Variants in CACNG2 observed in about 807,000 individuals in gnomAD.
CACNG2 encodes voltage-dependent calcium channel gamma-2 subunit.
A neutral mutation model predicts 25.9 loss-of-function variants in CACNG2; 3 were observed. The ratio of observed to expected loss-of-function variants is 0.12; its 90% CI spans 0.05 to 0.30. The LOEUF (loss-of-function observed/expected upper bound fraction) is 0.30. Ranked by LOEUF, CACNG2 falls within the 10% of genes least tolerant of loss-of-function variation. The pLI is 1.00. For synonymous variants in CACNG2, 167 were observed against 173.3 expected, an observed-to-expected ratio of 0.96 and a Z score of 0.29; for missense variants, 341 against 432.5, an observed-to-expected ratio of 0.79 and a Z score of 1.88.
intron 1 of CACNG2, among the ~76,000 whole-genome samples, chr22:36,653,861 A>G (rs1936660273): frequency 6.6e-6 from 1 of 151,476 alleles, no homozygotes; most frequent in Non-Finnish European, 1.5e-5. Context: ...GACCTCCAGG[A>G]TTCCCACATT....
At chr22:36,654,432 A>G (rs5995323) in intron 1 of CACNG2, among the ~76,000 whole-genome samples, 1 of 151,680 alleles carries the variant, frequency 6.6e-6, no homozygotes, top group Admixed American at 6.6e-5. Context: ...GAGTTTCCCT[A>G]TGTTGCACAG....
At chr22:36,601,748 G>A (rs1935756735) in intron 1 of CACNG2, among the ~76,000 whole-genome samples, 1 of 152,222 alleles carries the variant, frequency 6.6e-6, no homozygotes. Flanking sequence ...CTCCTGAAGG[G>A]CTGAGATTAC....
At chr22:36,576,663 G>A (rs1014175205) in intron 2 of CACNG2, among the ~76,000 whole-genome samples, 3 of 151,972 alleles carry the variant, frequency 2.0e-5, no homozygotes, top group Non-Finnish European at 4.4e-5. Context: ...AAAGATGGTG[G>A]GTGAGAAATA....
intron 1 of CACNG2, among the ~76,000 whole-genome samples, chr22:36,589,284 C>T (rs1457121932): frequency 6.6e-6 from 1 of 151,964 alleles, no homozygotes; most frequent in East Asian, 1.9e-4. Flanking sequence ...TCCACTGTGC[C>T]CAGCCTAGAC....
intron 2 of CACNG2, among the ~76,000 whole-genome samples, chr22:36,583,089 C>T (rs752457248): frequency 5.3e-5 from 8 of 152,026 alleles, no homozygotes; most frequent in East Asian, 1.9e-4. Flanking sequence ...AGGAATACTC[C>T]GGAAGGCATG....
At chr22:36,615,512 C>T (rs5756263) in intron 1 of CACNG2, among the ~76,000 whole-genome samples, 44,564 of 152,160 alleles carry the variant, frequency 0.29, 11,089 homozygotes, top group African/African-American at 0.68. Flanking sequence ...GTTTTGCATC[C>T]GCATGATGGG....
chr22:36,619,378 A>G (rs1161133097), intron 1 of CACNG2, among the ~76,000 whole-genome samples: 1 of 152,226 alleles, frequency 6.6e-6, no homozygotes, highest in Non-Finnish European at 1.5e-5. Flanking sequence ...GCTCTCATAC[A>G]ATTGTCAAAA....
In CACNG2 at chr22:36,657,753, C is replaced by T. The variant is rs546074836; in HGVS notation, c.211+44613G>A. 9.5e-4 allele frequency among the ~76,000 whole-genome samples: 144 copies of T among 151,730 alleles called. 1 individual carries two copies. Among genetic ancestry groups the T allele is most frequent in the African/African-American group, 3.3e-3 (136 of 41,380 alleles). ...ACAGTGGCGTAATGAGCAAAAGTGT[C>T]GTGAGGTCTGTGTGTTTCCTTTGCT... On this transcript the variant is annotated intron_variant, in intron 1 of 3. Coordinates refer to ENST00000300105, the MANE Select transcript of CACNG2 (RefSeq NM_006078.5).
chr22:36,571,882 CAAA>C (rs1190439992), intron 2 of CACNG2, among the ~76,000 whole-genome samples: 2 of 99,512 alleles, frequency 2.0e-5, no homozygotes, highest in African/African-American at 3.1e-5. Context: ...GTCTCAAAAA[CAAA>C]AAAAAAAAAA....
intron 1 of CACNG2, among the ~76,000 whole-genome samples, chr22:36,611,702 T>C (rs1201773133): frequency 2.0e-5 from 3 of 152,140 alleles, no homozygotes; most frequent in Non-Finnish European, 4.4e-5. Context: ...AGTGTGGGAG[T>C]CTGACCAGCC....
intron 1 of CACNG2, among the ~76,000 whole-genome samples, chr22:36,590,630 G>A (rs1458692853): frequency 2.6e-5 from 4 of 152,096 alleles, no homozygotes; most frequent in East Asian, 1.9e-4. Context: ...TGGCTGCCGC[G>A]GCCTCCCCAC....
At chr22:36,610,024 G>C (rs964608186) in intron 1 of CACNG2, among the ~76,000 whole-genome samples, 1 of 150,548 alleles carries the variant, frequency 6.6e-6, no homozygotes, top group Non-Finnish European at 1.5e-5. Context: ...TCCCCTCAGA[G>C]AGCCTCCCGG....
intron 2 of CACNG2, among the ~76,000 whole-genome samples, chr22:36,572,153 C>T (rs922763217): frequency 4.6e-5 from 7 of 152,150 alleles, no homozygotes; most frequent in African/African-American, 1.7e-4. Flanking sequence ...TGGCACTTCA[C>T]ATTACCTGAC....
At chr22:36,588,553 A>G (rs1014186731) in intron 1 of CACNG2, among the ~76,000 whole-genome samples, 23 of 152,100 alleles carry the variant, frequency 1.5e-4, no homozygotes, top group African/African-American at 2.4e-5. Flanking sequence ...ATGTCCTTTA[A>G]CCTTCTCTGA....
At chr22:36,618,906 C>T (rs891488293) in intron 1 of CACNG2, among the ~76,000 whole-genome samples, 2 of 73,914 alleles carry the variant, frequency 2.7e-5, no homozygotes, top group South Asian at 4.7e-4. Context: ...GGCGACAGAG[C>T]GAGACTGTTT....
intron 1 of CACNG2, among the ~76,000 whole-genome samples, chr22:36,668,252 C>G (rs922712964): frequency 6.6e-6 from 1 of 152,230 alleles, no homozygotes; most frequent in African/African-American, 2.4e-5. Context: ...GAGCTTCAGG[C>G]GATCCAGGTT....
At chr22:36,682,640 A>G (rs1445042393) in intron 1 of CACNG2, among the ~76,000 whole-genome samples, 4 of 152,176 alleles carry the variant, frequency 2.6e-5, no homozygotes, top group Non-Finnish European at 5.9e-5. Flanking sequence ...TGCATAAACA[A>G]GAATAATAAC....
At chr22:36,607,659 C>T (rs979835290) in intron 1 of CACNG2, among the ~76,000 whole-genome samples, 2 of 141,828 alleles carry the variant, frequency 1.4e-5, no homozygotes, top group Non-Finnish European at 3.0e-5. Context: ...GCTCGTGCAA[C>T]GAGGACCCAC....
chr22:36,567,244 T>C lies in CACNG2; in HGVS notation c.296-751A>G, dbSNP rs533601219. Among the ~76,000 whole-genome samples the C allele has an allele frequency of 5.3e-5, 8 of 152,372 alleles. No homozygotes were observed. The South Asian group carries it at 1.5e-3, about 28-fold the overall frequency. ...CACTTAGATAAGTTTCTGGTGTCTATAATAAACATTCAATGCATGATATTA... is the reference window on the plus strand; with the variant it reads ...CACTTAGATAAGTTTCTGGTGTCTACAATAAACATTCAATGCATGATATTA... On this transcript the variant is annotated intron_variant, in intron 2 of 3. Coordinates refer to ENST00000300105, the MANE Select transcript of CACNG2 (RefSeq NM_006078.5).
Sources: gnomAD v4.1 joint callset for allele counts (sites outside exome capture counted in the v4.1 genomes callset) on GRCh38, gnomAD v4.1.1 for gene constraint, MANE v1.5 for transcripts, NCBI Gene and HGNC (gene_info 2026-07-23, HGNC 2026-07-21) for gene names.